The following ARHGAP10 variants were observed in gnomAD, a reference collection of about 807,000 sequenced individuals.
ARHGAP10 encodes the protein Rho GTPase activating protein 10.
Under a neutral mutation model 108.6 loss-of-function variants are expected in ARHGAP10, and 87 were observed. The observed-to-expected ratio is 0.80, with a 90% confidence interval of 0.67 to 0.96. The LOEUF (loss-of-function observed/expected upper bound fraction) is 0.96, where lower values mean the gene tolerates loss of function less well. ARHGAP10 is among the 40% of genes least tolerant of loss of function. The pLI, the probability that ARHGAP10 is intolerant of heterozygous loss-of-function variation, is 0.00. For missense variants in ARHGAP10, 939 were observed against 954.5 expected, an observed-to-expected ratio of 0.98 and a Z score of 0.21; for synonymous variants, 347 against 341.1, an observed-to-expected ratio of 1.02 and a Z score of -0.19.
At chr4:147,985,476 A>T (rs1740004574) in intron 18 of ARHGAP10, among the ~76,000 whole-genome samples, 1 of 152,160 alleles carries the variant, frequency 6.6e-6, no homozygotes, top group South Asian at 2.1e-4. Context: ...TTGCCCAGAT[A>T]AACCATGGCT....
chr4:148,002,782 C>T (rs1354979989), intron 18 of ARHGAP10, among the ~76,000 whole-genome samples: 1 of 152,110 alleles, frequency 6.6e-6, no homozygotes, highest in African/African-American at 2.4e-5. Flanking sequence ...TTTTTTATTG[C>T]ATCTATTTGA....
chr4:148,043,614 A>AATAT (rs57931206), intron 19 of ARHGAP10, among the ~76,000 whole-genome samples: 869 of 54,890 alleles, frequency 0.016, 26 homozygotes, highest in African/African-American at 0.022. Flanking sequence ...CCCTCTCTCT[A>AATAT]ATATATATAT....
intron 10 of ARHGAP10, among the ~76,000 whole-genome samples, chr4:147,897,038 G>A (rs1313018523): frequency 6.6e-6 from 1 of 151,940 alleles, no homozygotes; most frequent in Middle Eastern, 3.4e-3. Flanking sequence ...AAATATCTCT[G>A]TGCTAATAAT....
At chr4:147,764,923 A>G (rs1310648790) in intron 1 of ARHGAP10, among the ~76,000 whole-genome samples, 1 of 152,200 alleles carries the variant, frequency 6.6e-6, no homozygotes, top group Non-Finnish European at 1.5e-5. Flanking sequence ...GAGTGTTTTT[A>G]AAAGTAATAT....
chr4:147,812,794 A>G (rs770811315), intron 1 of ARHGAP10, among the ~76,000 whole-genome samples: 20 of 152,184 alleles, frequency 1.3e-4, no homozygotes, highest in Non-Finnish European at 2.5e-4. Flanking sequence ...TGGCTTTACC[A>G]TTTAATGTGA....
intron 8 of ARHGAP10, among the ~76,000 whole-genome samples, chr4:147,876,937 A>G (rs551945401): frequency 6.6e-6 from 1 of 152,302 alleles, no homozygotes; most frequent in Non-Finnish European, 1.5e-5. Flanking sequence ...TACAACTACT[A>G]AATGCTGGAG....
intron 18 of ARHGAP10, among the ~76,000 whole-genome samples, chr4:147,970,520 G>T (rs952339892): frequency 2.0e-5 from 3 of 152,130 alleles, no homozygotes; most frequent in Non-Finnish European, 4.4e-5. Context: ...GGCGAAAAAT[G>T]GCGAGAAGGA....
intron 20 of ARHGAP10, among the ~76,000 whole-genome samples, chr4:148,048,760 G>A (rs1417952216): frequency 6.6e-6 from 1 of 152,074 alleles, no homozygotes; most frequent in Non-Finnish European, 1.5e-5. Context: ...TATGAGCCAC[G>A]GTACAGCCAA....
At chr4:147,816,931 G>C (rs1732272844) in intron 1 of ARHGAP10, among the ~76,000 whole-genome samples, 2 of 152,138 alleles carry the variant, frequency 1.3e-5, no homozygotes, top group Non-Finnish European at 2.9e-5. Flanking sequence ...AAACATGAAA[G>C]AATTTTGGTG....
rs111326167 is a variant in ARHGAP10 at position 148,001,345 on chromosome 4, C to T, written c.1717-21918C>T. Among the ~76,000 whole-genome samples, 542 of 152,160 alleles carry T rather than the reference C, an allele frequency of 3.6e-3. 3 individuals are homozygous for T. The highest frequency in any genetic ancestry group is 0.012 in the African/African-American group (516 of 41,504). On this transcript the variant is annotated intron_variant, in intron 18 of 22. Transcript: ENST00000336498. ...TGTAGTATAGTTTGAAGTCAGGTAG[C>T]GTGATGCCTCCAGCTTTGTTCTTTT...
intron 18 of ARHGAP10, among the ~76,000 whole-genome samples, chr4:147,997,705 A>C (rs1243656416): frequency 6.6e-6 from 1 of 152,246 alleles, no homozygotes; most frequent in Non-Finnish European, 1.5e-5. Context: ...ACCTGGTCAA[A>C]GAATCCACTA....
chr4:147,978,159 T>G (rs982655746), intron 18 of ARHGAP10, among the ~76,000 whole-genome samples: 1 of 152,132 alleles, frequency 6.6e-6, no homozygotes, highest in South Asian at 2.1e-4. Context: ...GTGGAATGAT[T>G]TATTCATTTA....
chr4:147,774,928 C>T (rs1307499470), intron 1 of ARHGAP10, among the ~76,000 whole-genome samples: 10 of 148,088 alleles, frequency 6.8e-5, no homozygotes, highest in Non-Finnish European at 1.3e-4. Flanking sequence ...TTTTTTGAGA[C>T]GGAGTTTCGC....
chr4:147,755,087 A>T (rs961265595), intron 1 of ARHGAP10, among the ~76,000 whole-genome samples: 9 of 152,072 alleles, frequency 5.9e-5, no homozygotes, highest in African/African-American at 1.7e-4. Flanking sequence ...CGTCTCAAAA[A>T]AAAAAAAAAA....
intron 18 of ARHGAP10, among the ~76,000 whole-genome samples, chr4:147,999,187 G>A (rs1037190464): frequency 2.0e-5 from 3 of 152,324 alleles, no homozygotes; most frequent in East Asian, 1.9e-4. Context: ...CAATCAGGTA[G>A]TAAAGAGAGC....
intron 16 of ARHGAP10, among the ~76,000 whole-genome samples, chr4:147,961,955 C>T (rs1456751977): frequency 6.6e-6 from 1 of 152,194 alleles, no homozygotes; most frequent in South Asian, 2.1e-4. Context: ...ATCTTTGGAG[C>T]CCTTTTCCCC....
chr4:148,035,010 T>G (rs1345269532), intron 19 of ARHGAP10, among the ~76,000 whole-genome samples: 3 of 152,228 alleles, frequency 2.0e-5, no homozygotes, highest in Admixed American at 2.0e-4. Flanking sequence ...CTGGTCTTAC[T>G]TGCTTTATAA....
At chr4:147,843,349 TA>T (rs1733494343) in intron 3 of ARHGAP10, among the ~76,000 whole-genome samples, 1 of 152,202 alleles carries the variant, frequency 6.6e-6, no homozygotes, top group African/African-American at 2.4e-5. Context: ...CCTCTCTCTC[TA>T]CTGCCCCACC....
intron 10 of ARHGAP10, among the ~76,000 whole-genome samples, chr4:147,903,000 A>C (rs1274388200): frequency 6.6e-6 from 1 of 152,156 alleles, no homozygotes; most frequent in East Asian, 1.9e-4. Flanking sequence ...AAAAGCAAGA[A>C]GGGGGAAGTC....
Sources: allele counts gnomAD v4.1 joint callset (sites outside exome capture counted in the v4.1 genomes callset), GRCh38; gene constraint gnomAD v4.1.1; transcripts MANE v1.5; gene names NCBI Gene and HGNC (gene_info 2026-07-23, HGNC 2026-07-21).